DEPTOR: variants seen among roughly 807,000 people sequenced by gnomAD.
DEPTOR encodes DEP domain containing MTOR interacting protein.
Under a neutral mutation model 41.6 loss-of-function variants are expected in DEPTOR, and 41 were observed. The ratio of observed to expected loss-of-function variants is 0.98; its 90% CI spans 0.77 to 1.28. The LOEUF (loss-of-function observed/expected upper bound fraction) is 1.28, where lower values mean the gene tolerates loss of function less well. Ranked by LOEUF, DEPTOR falls within the 50% of genes most tolerant of loss-of-function variation. The probability of loss-of-function intolerance (pLI) is 0.00; values close to 1 mark genes in which losing one functional copy is unlikely to be tolerated. For synonymous variants in DEPTOR, 195 were observed against 192.3 expected (o/e 1.01, Z -0.12); for missense variants, 514 against 527.9 (o/e 0.97, Z 0.26).
intron 1 of DEPTOR, among the ~76,000 whole-genome samples, chr8:119,909,422 A>G (rs550901961): frequency 2.0e-5 from 3 of 152,292 alleles, no homozygotes; most frequent in Admixed American, 2.0e-4. Context: ...CCCTGTCAGC[A>G]TTCTTGGGAC....
chr8:119,877,893 T>C (rs1300098906), intron 1 of DEPTOR, among the ~76,000 whole-genome samples: 2 of 152,108 alleles, frequency 1.3e-5, no homozygotes, highest in Non-Finnish European at 1.5e-5. Flanking sequence ...AGATGTGAAA[T>C]TGGGGGCTGG....
intron 3 of DEPTOR, among the ~76,000 whole-genome samples, chr8:119,937,257 A>G: frequency 6.7e-6 from 1 of 149,450 alleles, no homozygotes; most frequent in East Asian, 2.1e-4. Flanking sequence ...AAAATTAGCC[A>G]GGCGTGGTGA....
chr8:119,950,690 G>A (rs1309819272), intron 3 of DEPTOR, among the ~76,000 whole-genome samples: 6 of 152,042 alleles, frequency 3.9e-5, no homozygotes, highest in African/African-American at 7.2e-5. Context: ...TCCGCCTCCC[G>A]TTCAAGCAAT....
chr8:119,979,278 C>T (rs916548177), intron 4 of DEPTOR, among the ~76,000 whole-genome samples: 21 of 151,986 alleles, frequency 1.4e-4, no homozygotes, highest in African/African-American at 3.9e-4. Flanking sequence ...TTTCATCCAG[C>T]TTTTTTTCTT....
At chr8:119,916,237 T>A (rs939563320) in intron 1 of DEPTOR, among the ~76,000 whole-genome samples, 14 of 150,618 alleles carry the variant, frequency 9.3e-5, no homozygotes, top group Non-Finnish European at 1.5e-4. Context: ...GTAGCTGGGA[T>A]TACAGGCACA....
At chr8:119,952,862 GT>G (rs1828371393) in intron 3 of DEPTOR, among the ~76,000 whole-genome samples, 1 of 152,182 alleles carries the variant, frequency 6.6e-6, no homozygotes, top group Admixed American at 6.5e-5. Flanking sequence ...ATGCAGGCTG[GT>G]GAAGGAGGGT....
intron 3 of DEPTOR, among the ~76,000 whole-genome samples, chr8:119,956,174 A>G (rs1044219816): frequency 1.3e-5 from 2 of 152,232 alleles, no homozygotes; most frequent in Non-Finnish European, 2.9e-5. Flanking sequence ...GTAGCTTGTC[A>G]TATGGCAAAA....
At chr8:119,969,139 G>C (rs1828600965) in intron 4 of DEPTOR, among the ~76,000 whole-genome samples, 2 of 151,628 alleles carry the variant, frequency 1.3e-5, no homozygotes, top group Non-Finnish European at 2.9e-5. Context: ...GAGAAAACCA[G>C]CCTCTTATAC....
At chr8:119,988,244 G>C (rs950199553) in intron 4 of DEPTOR, among the ~76,000 whole-genome samples, 2 of 152,280 alleles carry the variant, frequency 1.3e-5, no homozygotes, top group African/African-American at 4.8e-5. Context: ...GTCCCTTAGG[G>C]CTTCCGTTGG....
intron 8 of DEPTOR, among the ~76,000 whole-genome samples, chr8:120,012,909 C>T (rs1039343411): frequency 3.3e-5 from 5 of 151,896 alleles, no homozygotes; most frequent in African/African-American, 1.2e-4. Context: ...GTAATCCCAG[C>T]ACGCTGGGAG....
chr8:120,016,016 C>T (rs948982667), intron 8 of DEPTOR, among the ~76,000 whole-genome samples: 10 of 152,156 alleles, frequency 6.6e-5, no homozygotes, highest in African/African-American at 2.4e-4. Flanking sequence ...CTAATGGCCT[C>T]CATTTGCATA....
At chr8:120,049,166 G>T (rs1813194492) in intron 8 of DEPTOR, among the ~76,000 whole-genome samples, 1 of 152,026 alleles carries the variant, frequency 6.6e-6, no homozygotes. Flanking sequence ...GCATGCCTGT[G>T]AATTACTGCA....
chr8:119,998,343 C>T (rs549515592), intron 4 of DEPTOR, among the ~76,000 whole-genome samples: 1 of 152,336 alleles, frequency 6.6e-6, no homozygotes, highest in African/African-American at 2.4e-5. Context: ...GCCTTGGCCT[C>T]CCAAAGTGCT....
At chr8:119,888,858 CAAAAAA>C (rs34471575) in intron 1 of DEPTOR, among the ~76,000 whole-genome samples, 84 of 63,864 alleles carry the variant, frequency 1.3e-3, no homozygotes, top group African/African-American at 5.1e-3. Flanking sequence ...TCTGTCTCAG[CAAAAAA>C]AAAAAAAAAA....
intron 8 of DEPTOR, among the ~76,000 whole-genome samples, chr8:120,025,133 C>A (rs1298878297): frequency 6.6e-6 from 1 of 152,158 alleles, no homozygotes; most frequent in Non-Finnish European, 1.5e-5. Flanking sequence ...TAATTACAAG[C>A]TACGTTAATC....
intron 8 of DEPTOR, among the ~76,000 whole-genome samples, chr8:120,021,749 T>C (rs1812719108): frequency 6.6e-6 from 1 of 152,156 alleles, no homozygotes; most frequent in Non-Finnish European, 1.5e-5. Flanking sequence ...GGCACAGTCA[T>C]GGGGATAAAT....
chr8:120,033,081 C>CT lies in DEPTOR; in HGVS notation c.1102-16472dup, dbSNP rs35161313. The stretch of plus-strand genomic sequence containing the variant: ...AATACATGCTACTGGATATGGAATT[C>CT]TTTTTTTTTTTTTTTTTTTTTTTGA... On this transcript the variant is annotated intron_variant, in intron 8 of 8. Transcript: ENST00000286234. Among the ~76,000 whole-genome samples the CT allele has an allele frequency of 3.6e-3, 352 of 98,916 alleles. 2 individuals are homozygous for CT. Among genetic ancestry groups the CT allele is most frequent in the African/African-American group, 8.4e-3 (212 of 25,338 alleles). The allele number at this position is 98,916 out of a possible 152,430, so 64.9% of individuals were successfully genotyped here.
intron 4 of DEPTOR, among the ~76,000 whole-genome samples, chr8:119,973,693 C>T (rs898032593): frequency 3.3e-5 from 5 of 152,216 alleles, no homozygotes; most frequent in East Asian, 1.9e-4. Context: ...ACCAGGCTAC[C>T]GCTGCTGTGT....
intron 1 of DEPTOR, among the ~76,000 whole-genome samples, chr8:119,926,757 A>G (rs1443337734): frequency 6.6e-6 from 1 of 152,174 alleles, no homozygotes. Context: ...ATTCATTGCT[A>G]TGTCCTTTCC....
Sources: gnomAD v4.1 joint callset for allele counts (sites outside exome capture counted in the v4.1 genomes callset) on GRCh38, gnomAD v4.1.1 for gene constraint, MANE v1.5 for transcripts, NCBI Gene and HGNC (gene_info 2026-07-23, HGNC 2026-07-21) for gene names.